The following MACROD2 variants were observed in gnomAD, a reference collection of about 807,000 sequenced individuals.
The protein encoded by MACROD2 is ADP-ribose glycohydrolase MACROD2.
A neutral mutation model predicts 70.4 loss-of-function variants in MACROD2; 36 were observed. That is an observed-to-expected ratio of 0.51 (90% CI 0.39 to 0.68). The LOEUF is 0.68. Among genes scored for constraint, MACROD2 ranks in the 30% least tolerant of loss-of-function variants. MACROD2 has a pLI of 0.00. For missense variants in MACROD2, 496 were observed against 538.4 expected (o/e 0.92, Z 0.78); for synonymous variants, 172 against 178.8 (o/e 0.96, Z 0.30).
chr20:14,580,275 GTAGTT>G (rs957710942), intron 4 of MACROD2, among the ~76,000 whole-genome samples: 3 of 152,142 alleles, frequency 2.0e-5, no homozygotes, highest in African/African-American at 7.2e-5. Context: ...TCATCCCTGG[GTAGTT>G]ATAGCACTAA....
chr20:14,052,998 GTTTTT>G (rs555433258), intron 2 of MACROD2: 2 of 143,416 alleles, frequency 1.4e-5, no homozygotes, highest in Admixed American at 7.0e-5. Context: ...TAATAGTAGA[GTTTTT>G]TTTTTTCTTT....
At chr20:15,154,460 G>A (rs1202842723) in intron 5 of MACROD2, among the ~76,000 whole-genome samples, 1 of 152,212 alleles carries the variant, frequency 6.6e-6, no homozygotes, top group Non-Finnish European at 1.5e-5. Flanking sequence ...TAAAGACAGA[G>A]TTAGCTATGC....
intron 5 of MACROD2, among the ~76,000 whole-genome samples, chr20:14,974,876 G>T (rs926265030): frequency 2.0e-5 from 3 of 152,128 alleles, no homozygotes; most frequent in Non-Finnish European, 4.4e-5. Flanking sequence ...CTAGAACTGA[G>T]CCTGGGTTGG....
intron 5 of MACROD2, among the ~76,000 whole-genome samples, chr20:15,146,977 T>C (rs1408949078): frequency 1.3e-5 from 2 of 152,166 alleles, no homozygotes; most frequent in African/African-American, 4.8e-5. Context: ...GTGATTAACA[T>C]TTTTGTTCCA....
At chr20:14,910,130 C>G (rs936913870) in intron 5 of MACROD2, among the ~76,000 whole-genome samples, 9 of 152,154 alleles carry the variant, frequency 5.9e-5, no homozygotes, top group African/African-American at 2.2e-4. Flanking sequence ...CTTCAGAATT[C>G]ATTTAGTCTA....
chr20:15,023,252 T>A (rs994651557), intron 5 of MACROD2, among the ~76,000 whole-genome samples: 1 of 152,194 alleles, frequency 6.6e-6, no homozygotes, highest in Non-Finnish European at 1.5e-5. Flanking sequence ...TAACTGGAAA[T>A]ATAAGACCAT....
At chr20:14,133,000 A>ATG (rs142626031) in intron 3 of MACROD2, among the ~76,000 whole-genome samples, 5,359 of 151,068 alleles carry the variant, frequency 0.035, 99 homozygotes, top group South Asian at 0.048. Context: ...AACATAACAT[A>ATG]TGTGTGTGTG....
intron 5 of MACROD2, among the ~76,000 whole-genome samples, chr20:15,052,200 G>T (rs1266063138): frequency 1.3e-5 from 2 of 152,088 alleles, no homozygotes; most frequent in Non-Finnish European, 2.9e-5. Flanking sequence ...GTTTGTCACG[G>T]TCCTCAAACT....
chr20:14,682,942 C>T (rs991614838), intron 4 of MACROD2, among the ~76,000 whole-genome samples: 3 of 152,028 alleles, frequency 2.0e-5, no homozygotes, highest in East Asian at 3.9e-4. Flanking sequence ...TGCAATGGCA[C>T]GATCTTGGCT....
intron 6 of MACROD2, among the ~76,000 whole-genome samples, chr20:15,287,974 T>C (rs1442717827): frequency 6.6e-6 from 1 of 152,236 alleles, no homozygotes; most frequent in African/African-American, 2.4e-5. Flanking sequence ...GTTAATATTT[T>C]CATTCCAGCC....
intron 5 of MACROD2, among the ~76,000 whole-genome samples, chr20:15,025,794 A>C (rs556649311): frequency 1.3e-5 from 2 of 152,216 alleles, no homozygotes; most frequent in African/African-American, 4.8e-5. Flanking sequence ...GCACCTCCCA[A>C]CCAAAACTGT....
intron 5 of MACROD2, among the ~76,000 whole-genome samples, chr20:14,885,107 C>A (rs1371405061): frequency 6.6e-6 from 1 of 152,092 alleles, no homozygotes. Flanking sequence ...TTTTGGTTTA[C>A]AAACCCTACC....
chr20:15,473,829 GATTTGC>G (rs1382064191), intron 7 of MACROD2, among the ~76,000 whole-genome samples: 7 of 152,130 alleles, frequency 4.6e-5, no homozygotes, highest in African/African-American at 1.7e-4. Flanking sequence ...TTACTAATCA[GATTTGC>G]ATGTTTTTCA....
chr20:15,777,635 T>TC (rs1211640088), intron 8 of MACROD2, among the ~76,000 whole-genome samples: 1 of 106,332 alleles, frequency 9.4e-6, no homozygotes, highest in East Asian at 3.8e-4. Flanking sequence ...CCCTCCTTCC[T>TC]TCCTCTCTCT....
chr20:14,494,906 G>T (rs1472876953), intron 4 of MACROD2, among the ~76,000 whole-genome samples: 1 of 152,034 alleles, frequency 6.6e-6, no homozygotes, highest in African/African-American at 2.4e-5. Flanking sequence ...AAGTTAAATT[G>T]TCCATAGTGC....
intron 8 of MACROD2, among the ~76,000 whole-genome samples, chr20:15,612,197 A>G (rs2048979336): frequency 6.6e-6 from 1 of 152,166 alleles, no homozygotes; most frequent in Admixed American, 6.5e-5. Context: ...AATACAGCCA[A>G]TACAGCTATA....
At chr20:14,873,596 C>G (rs1409567020) in intron 5 of MACROD2, among the ~76,000 whole-genome samples, 3 of 152,140 alleles carry the variant, frequency 2.0e-5, no homozygotes, top group Non-Finnish European at 4.4e-5. Context: ...GGTGCAATGG[C>G]TCACACCTGT....
At chr20:15,429,089 T>A (rs2046334719) in intron 6 of MACROD2, among the ~76,000 whole-genome samples, 1 of 152,170 alleles carries the variant, frequency 6.6e-6, no homozygotes, top group Non-Finnish European at 1.5e-5. Context: ...AAGTAGACTG[T>A]TCCTGAACTC....
intron 3 of MACROD2, among the ~76,000 whole-genome samples, chr20:14,400,335 G>A (rs1038466156): frequency 6.6e-6 from 1 of 152,234 alleles, no homozygotes; most frequent in East Asian, 1.9e-4. Context: ...TACTCTCCCT[G>A]ATGACCCGTA....
Sources: allele counts gnomAD v4.1 joint callset (sites outside exome capture counted in the v4.1 genomes callset), GRCh38; gene constraint gnomAD v4.1.1; transcripts MANE v1.5; gene names NCBI Gene and HGNC (gene_info 2026-07-23, HGNC 2026-07-21).